Variants in JAKMIP2 observed in about 807,000 individuals in gnomAD.
JAKMIP2 encodes janus kinase and microtubule-interacting protein 2.
Under a neutral mutation model 115.0 loss-of-function variants are expected in JAKMIP2, and 25 were observed. That is an observed-to-expected ratio of 0.22 (90% CI 0.16 to 0.30). JAKMIP2 has a LOEUF of 0.30. Ranked by LOEUF, JAKMIP2 falls within the 10% of genes least tolerant of loss-of-function variation. The probability of loss-of-function intolerance (pLI) is 1.00; values close to 1 mark genes in which losing one functional copy is unlikely to be tolerated. For missense variants in JAKMIP2, 642 were observed against 957.6 expected (o/e 0.67, Z 4.35); for synonymous variants, 334 against 343.6 (o/e 0.97, Z 0.31).
chr5:147,639,649 C>T lies in JAKMIP2; in HGVS notation c.1513G>A (p.Ala505Thr), dbSNP rs751197088. The T allele has an allele frequency of 2.5e-6, 4 of 1,613,024 alleles. No homozygotes were observed. The highest frequency in any genetic ancestry group is 3.4e-6 in the Non-Finnish European group (4 of 1,179,552). Residue 505 changes from alanine (A) to threonine (T), a missense_variant, in exon 10 of 22, where the codon GCT (alanine) becomes ACT (threonine). Transcript: ENST00000616793. ...LQEQTGGIID[A>T]EREAKAQEQL... ...ACACTAACCTTGGCTTCTCGTTCAG[C>T]GTCGATGATGCCTCCCGTCTGCTCC...
At chr5:147,699,581 C>T (rs1401774010) in intron 1 of JAKMIP2, among the ~76,000 whole-genome samples, 4 of 151,978 alleles carry the variant, frequency 2.6e-5, no homozygotes, top group Non-Finnish European at 4.4e-5. Context: ...TTACCCCAGC[C>T]ATAAATGAAC....
At chr5:147,613,726 C>G (rs543122831) in intron 19 of JAKMIP2, among the ~76,000 whole-genome samples, 13 of 152,018 alleles carry the variant, frequency 8.6e-5, no homozygotes, top group Non-Finnish European at 1.6e-4. Context: ...CACCCCTCCC[C>G]CTAAAAAAGA....
chr5:147,696,080 C>G lies in JAKMIP2; in HGVS notation c.-148-24126G>C, dbSNP rs148799467. Among the ~76,000 whole-genome samples the G allele has an allele frequency of 3.1e-3, 479 of 152,224 alleles. 8 individuals are homozygous for G. The highest frequency in any genetic ancestry group is 0.011 in the African/African-American group (458 of 41,522). Reference sequence around the variant, plus strand: ...CAATAAAGGTTAGGACATCATATCCCTTATGGAGGTTGGACAAAATTTAGT... The same window carrying G: ...CAATAAAGGTTAGGACATCATATCCGTTATGGAGGTTGGACAAAATTTAGT... On this transcript the variant is annotated intron_variant, in intron 1 of 21. Coordinates refer to ENST00000616793, the MANE Select transcript of JAKMIP2 (RefSeq NM_001270941.2).
At chr5:147,717,410 G>C (rs1321984429) in intron 1 of JAKMIP2, among the ~76,000 whole-genome samples, 5 of 143,914 alleles carry the variant, frequency 3.5e-5, no homozygotes, top group African/African-American at 1.3e-4. Context: ...GATGGGGATG[G>C]CATTGAATCT....
chr5:147,781,442 T>C (rs1361927001), intron 1 of JAKMIP2, among the ~76,000 whole-genome samples: 1 of 152,200 alleles, frequency 6.6e-6, no homozygotes, highest in African/African-American at 2.4e-5. Context: ...TCAAGAAAAC[T>C]GATTTGCTTC....
intron 1 of JAKMIP2, among the ~76,000 whole-genome samples, chr5:147,780,781 G>T (rs1182894849): frequency 6.6e-6 from 1 of 152,068 alleles, no homozygotes; most frequent in Non-Finnish European, 1.5e-5. Flanking sequence ...TAAATGTGGG[G>T]GGTGTATGTA....
chr5:147,702,287 C>A (rs1230768125), intron 1 of JAKMIP2, among the ~76,000 whole-genome samples: 1 of 143,396 alleles, frequency 7.0e-6, no homozygotes, highest in Non-Finnish European at 1.5e-5. Context: ...ATACAATGGA[C>A]TTTGAGGACT....
At position 147,591,611 on chromosome 5, in the gene JAKMIP2, G is replaced by T. The variant is rs1384209181; in HGVS notation, c.*96C>A. On this transcript the variant is annotated 3_prime_UTR_variant, in exon 22 of 22. Transcript: ENST00000616793. ...TTAGCTTTTGATCTCCCTCTCACTG[G>T]TGTAAACAATTTTGCCATCTTTGAA... 7.2e-7 allele frequency: 1 copy of T among 1,394,308 alleles called. No homozygotes were observed. Among genetic ancestry groups the T allele is most frequent in the Non-Finnish European group, 1.0e-6 (1 of 985,196 alleles). The allele number at this position is 1,394,308 out of a possible 1,614,324, so 86.4% of individuals were successfully genotyped here. A position where few individuals can be genotyped will look rare whatever the true frequency, so the allele number is the denominator to read the frequency against.
intron 17 of JAKMIP2, among the ~76,000 whole-genome samples, chr5:147,622,288 C>A (rs901868418): frequency 1.2e-4 from 19 of 152,226 alleles, no homozygotes; most frequent in Non-Finnish European, 2.4e-4. Flanking sequence ...CAACCTTACT[C>A]ATTTTTAATT....
At chr5:147,655,110 T>C (rs1758613336) in intron 3 of JAKMIP2, among the ~76,000 whole-genome samples, 1 of 152,154 alleles carries the variant, frequency 6.6e-6, no homozygotes, top group South Asian at 2.1e-4. Flanking sequence ...TTTGTCAGTA[T>C]TTTATTGAGA....
At chr5:147,712,936 T>C (rs1455176202) in intron 1 of JAKMIP2, among the ~76,000 whole-genome samples, 1 of 152,190 alleles carries the variant, frequency 6.6e-6, no homozygotes, top group African/African-American at 2.4e-5. Flanking sequence ...TAAATCCAAG[T>C]AATTCTAGTA....
At chr5:147,671,655 G>A (rs982188527) in intron 2 of JAKMIP2, 23 bp downstream of exon 2, 20 of 1,371,966 alleles carry the variant, frequency 1.5e-5, no homozygotes, top group South Asian at 4.1e-5. Context: ...TTAATGCCAC[G>A]ACCTCAGGTA....
At chr5:147,592,448 G>A (rs1471140537) in intron 21 of JAKMIP2, among the ~76,000 whole-genome samples, 1 of 152,230 alleles carries the variant, frequency 6.6e-6, no homozygotes, top group Non-Finnish European at 1.5e-5. Context: ...GGATGTGCCA[G>A]TCAGGACTCC....
intron 16 of JAKMIP2, among the ~76,000 whole-genome samples, chr5:147,627,729 AC>A (rs1311357830): frequency 3.5e-5 from 5 of 144,044 alleles, no homozygotes; most frequent in Admixed American, 1.4e-4. Context: ...GGTACACTTT[AC>A]AAAATTAACA....
intron 20 of JAKMIP2, among the ~76,000 whole-genome samples, chr5:147,606,033 C>T (rs1017243186): frequency 1.3e-5 from 2 of 151,892 alleles, no homozygotes; most frequent in Admixed American, 1.3e-4. Context: ...GGGTTGTTTG[C>T]TTTTTTCCTT....
intron 1 of JAKMIP2, among the ~76,000 whole-genome samples, chr5:147,705,757 A>G (rs996592012): frequency 7.2e-5 from 11 of 152,226 alleles, no homozygotes; most frequent in African/African-American, 2.4e-4. Flanking sequence ...GTCATAAAAC[A>G]TTGAAAGAAA....
At chr5:147,630,096 T>C (rs17106961) in intron 14 of JAKMIP2, among the ~76,000 whole-genome samples, 8,152 of 152,062 alleles carry the variant, frequency 0.054, 605 homozygotes, top group African/African-American at 0.16. Flanking sequence ...GACTGCCAAA[T>C]CTTTTTTTTT....
In JAKMIP2 at chr5:147,702,681, A is replaced by G. The variant is rs191955298; in HGVS notation, c.-148-30727T>C. ...GAAAGAAAGAGAGAGAAAGAAAGAGAAAGAAAGAAAAGAAAAGAAAAGAAA... is the reference window on the plus strand; with the variant it reads ...GAAAGAAAGAGAGAGAAAGAAAGAGGAAGAAAGAAAAGAAAAGAAAAGAAA... On this transcript the variant is annotated intron_variant, in intron 1 of 21. Coordinates refer to ENST00000616793, the MANE Select transcript of JAKMIP2 (RefSeq NM_001270941.2). Among the ~76,000 whole-genome samples the G allele has an allele frequency of 8.7e-3, 1,204 of 138,422 alleles. 24 individuals carry two copies. The highest frequency in any genetic ancestry group is 0.018 in the Middle Eastern group (5 of 272). The allele number at this position is 138,422 out of a possible 152,430, so 90.8% of individuals were successfully genotyped here.
chr5:147,665,466 T>G (rs1211638522), intron 2 of JAKMIP2, among the ~76,000 whole-genome samples: 1 of 152,214 alleles, frequency 6.6e-6, no homozygotes, highest in Non-Finnish European at 1.5e-5. Flanking sequence ...TCATCTTCAA[T>G]TTCTGCAGGA....
Sources: allele counts gnomAD v4.1 joint callset (sites outside exome capture counted in the v4.1 genomes callset), GRCh38; gene constraint gnomAD v4.1.1; transcripts MANE v1.5; gene names NCBI Gene and HGNC (gene_info 2026-07-23, HGNC 2026-07-21).